The following KCNMB2 variants were observed in gnomAD, a reference collection of about 807,000 sequenced individuals.
KCNMB2 encodes the protein potassium calcium-activated channel subfamily M regulatory beta subunit 2, also known as calcium-activated potassium channel subunit beta-2.
KCNMB2 carries 9 observed loss-of-function variants against 24.5 expected under a neutral mutation model. That is an observed-to-expected ratio of 0.37 (90% confidence interval 0.22 to 0.64). KCNMB2 has a LOEUF of 0.64. KCNMB2 is among the 30% of genes least tolerant of loss of function. The pLI is 0.63. For missense variants in KCNMB2, 226 were observed against 284.3 expected (o/e 0.79, Z 1.47); for synonymous variants, 109 against 104.4 (o/e 1.04, Z -0.27).
chr3:178,606,329 T>C (rs1048998300), intron 1 of KCNMB2, among the ~76,000 whole-genome samples: 3 of 152,110 alleles, frequency 2.0e-5, no homozygotes, highest in Non-Finnish European at 2.9e-5. Context: ...TGTGGGTCCA[T>C]AGAGAGGTAC....
chr3:178,681,005 T>C (rs559891969), intron 1 of KCNMB2, among the ~76,000 whole-genome samples: 1 of 152,332 alleles, frequency 6.6e-6, no homozygotes, highest in African/African-American at 2.4e-5. Flanking sequence ...TTTCTCACAG[T>C]CAGAGCTCTG....
intron 1 of KCNMB2, among the ~76,000 whole-genome samples, chr3:178,614,333 G>GTATA (rs56220619): frequency 1.6e-4 from 17 of 108,568 alleles, no homozygotes; most frequent in African/African-American, 4.1e-4. Context: ...ATATATGTAT[G>GTATA]TATATATATA....
chr3:178,657,851 T>C (rs1310941738), intron 1 of KCNMB2, among the ~76,000 whole-genome samples: 1 of 152,180 alleles, frequency 6.6e-6, no homozygotes, highest in Admixed American at 6.5e-5. Flanking sequence ...CCTCACTTTA[T>C]AATAACCCAC....
intron 4 of KCNMB2, among the ~76,000 whole-genome samples, chr3:178,834,608 G>A (rs1378282132): frequency 6.6e-6 from 1 of 152,086 alleles, no homozygotes; most frequent in Non-Finnish European, 1.5e-5. Context: ...ATGTAGAGTG[G>A]ATATTAAACA....
chr3:178,608,325 T>C (rs1718351572), intron 1 of KCNMB2, among the ~76,000 whole-genome samples: 1 of 152,244 alleles, frequency 6.6e-6, no homozygotes, highest in Non-Finnish European at 1.5e-5. Flanking sequence ...AAATTGGCTC[T>C]GAATTCTCTC....
At chr3:178,560,099 T>TAA (rs1716262561) in intron 1 of KCNMB2, among the ~76,000 whole-genome samples, 1 of 148,530 alleles carries the variant, frequency 6.7e-6, no homozygotes, top group African/African-American at 2.4e-5. Flanking sequence ...AAATTACTTT[T>TAA]TATATATATA....
chr3:178,703,914 G>A (rs1371381712), intron 1 of KCNMB2, among the ~76,000 whole-genome samples: 1 of 152,128 alleles, frequency 6.6e-6, no homozygotes, highest in Non-Finnish European at 1.5e-5. Flanking sequence ...ATAGCATAAA[G>A]TAACACAATT....
chr3:178,751,959 A>C (rs1723866612), intron 1 of KCNMB2, among the ~76,000 whole-genome samples: 1 of 152,240 alleles, frequency 6.6e-6, no homozygotes, highest in Non-Finnish European at 1.5e-5. Flanking sequence ...CTGCCCAAGG[A>C]AGTTAACTGG....
intron 1 of KCNMB2, among the ~76,000 whole-genome samples, chr3:178,539,774 G>A (rs9637454): frequency 0.23 from 35,495 of 151,990 alleles, 4,873 homozygotes; most frequent in East Asian, 0.43. Context: ...GTGTGCGTGT[G>A]TGTGTGATTT....
At chr3:178,800,320 CAAATCTAT>C (rs1346475489) in intron 1 of KCNMB2, among the ~76,000 whole-genome samples, 3 of 151,990 alleles carry the variant, frequency 2.0e-5, no homozygotes, top group African/African-American at 7.2e-5. Context: ...GGAGCTCAAA[CAAATCTAT>C]AGGAAAAAAA....
intron 1 of KCNMB2, among the ~76,000 whole-genome samples, chr3:178,773,532 T>C (rs1712461263): frequency 6.6e-6 from 1 of 152,138 alleles, no homozygotes; most frequent in South Asian, 2.1e-4. Flanking sequence ...AAGAACATAA[T>C]CATTACTGGA....
chr3:178,700,926 G>A (rs957378492), intron 1 of KCNMB2, among the ~76,000 whole-genome samples: 2 of 152,098 alleles, frequency 1.3e-5, no homozygotes, highest in Non-Finnish European at 1.5e-5. Flanking sequence ...CTCTGATGGT[G>A]GTTTCTTTTG....
At chr3:178,583,870 A>G (rs910969597) in intron 1 of KCNMB2, among the ~76,000 whole-genome samples, 1 of 152,170 alleles carries the variant, frequency 6.6e-6, no homozygotes, top group Non-Finnish European at 1.5e-5. Flanking sequence ...TGCACTCCAT[A>G]GTGTTATAAT....
intron 1 of KCNMB2, among the ~76,000 whole-genome samples, chr3:178,706,430 G>C (rs1045434640): frequency 1.3e-5 from 2 of 152,062 alleles, no homozygotes; most frequent in Non-Finnish European, 2.9e-5. Context: ...GTCTTTGTTT[G>C]TGTAGAAATA....
At chr3:178,536,776 G>A (rs535489278) in intron 1 of KCNMB2, 65 bp downstream of exon 1, 4 of 152,658 alleles carry the variant, frequency 2.6e-5, no homozygotes, top group African/African-American at 7.2e-5. Flanking sequence ...GTTCTGTGGC[G>A]TGAGGATCGT....
chr3:178,586,825 G>A (rs1319054021), intron 1 of KCNMB2, among the ~76,000 whole-genome samples: 7 of 152,048 alleles, frequency 4.6e-5, no homozygotes, highest in African/African-American at 1.2e-4. Context: ...GATTACAGGC[G>A]TGAACCACTA....
intron 1 of KCNMB2, among the ~76,000 whole-genome samples, chr3:178,651,329 A>T (rs1560148858): frequency 6.6e-6 from 1 of 152,232 alleles, no homozygotes; most frequent in East Asian, 1.9e-4. Context: ...ATTGCCACAA[A>T]GAGAATAAAA....
intron 4 of KCNMB2, among the ~76,000 whole-genome samples, chr3:178,838,580 A>T (rs1202719403): frequency 2.0e-5 from 3 of 152,286 alleles, no homozygotes; most frequent in Admixed American, 2.0e-4. Flanking sequence ...CAAAAAAAAA[A>T]AAAAAGCAAG....
intron 1 of KCNMB2, among the ~76,000 whole-genome samples, chr3:178,745,644 C>T (rs1723640992): frequency 6.6e-6 from 1 of 152,194 alleles, no homozygotes. Context: ...AGGCAAGTCC[C>T]TTAGGCCTAT....
Sources: gnomAD v4.1 joint callset for allele counts (sites outside exome capture counted in the v4.1 genomes callset) on GRCh38, gnomAD v4.1.1 for gene constraint, MANE v1.5 for transcripts, NCBI Gene and HGNC (gene_info 2026-07-23, HGNC 2026-07-21) for gene names.